Variants in COL23A1 observed in about 807,000 individuals in gnomAD.
The protein encoded by COL23A1 is collagen type XXIII alpha 1 chain, also known as collagen alpha-1(XXIII) chain.
COL23A1 carries 97 observed loss-of-function variants against 99.3 expected under a neutral mutation model. The ratio of observed to expected loss-of-function variants is 0.98; its 90% confidence interval spans 0.83 to 1.16. The LOEUF is 1.16. Among genes scored for constraint, COL23A1 ranks in the 50% most tolerant of loss-of-function variants. COL23A1 has a pLI of 0.00. For missense variants in COL23A1, 762 were observed against 757.4 expected (o/e 1.01, Z -0.07); for synonymous variants, 320 against 308.2 (o/e 1.04, Z -0.40).
intron 3 of COL23A1, among the ~76,000 whole-genome samples, chr5:178,302,431 C>T (rs1176250157): frequency 1.8e-5 from 2 of 112,384 alleles, no homozygotes; most frequent in African/African-American, 3.5e-5. Flanking sequence ...CGCCGGAGCA[C>T]GGCTTCAATC....
intron 2 of COL23A1, among the ~76,000 whole-genome samples, chr5:178,323,528 G>A (rs544093661): frequency 6.6e-5 from 10 of 152,202 alleles, no homozygotes; most frequent in African/African-American, 2.2e-4. Context: ...TGGGCTAACC[G>A]CAGAGGGTCC....
At chr5:178,305,832 A>C (rs879744084) in intron 3 of COL23A1, among the ~76,000 whole-genome samples, 3 of 152,018 alleles carry the variant, frequency 2.0e-5, no homozygotes, top group Non-Finnish European at 4.4e-5. Context: ...ATGGAGAAGG[A>C]GGCTCATGGG....
At chr5:178,367,138 C>G (rs1482327221) in intron 2 of COL23A1, among the ~76,000 whole-genome samples, 1 of 152,190 alleles carries the variant, frequency 6.6e-6, no homozygotes, top group South Asian at 2.1e-4. Context: ...TTAGCCAAAT[C>G]GTTATCTGAG....
chr5:178,287,005 G>A (rs867216185), intron 5 of COL23A1, among the ~76,000 whole-genome samples: 13 of 152,046 alleles, frequency 8.6e-5, no homozygotes, highest in Non-Finnish European at 1.5e-4. Context: ...CGGTCCTCCC[G>A]AGCCGGTACT....
intron 2 of COL23A1, among the ~76,000 whole-genome samples, chr5:178,391,364 C>T (rs1051111078): frequency 6.6e-6 from 1 of 152,184 alleles, no homozygotes. Context: ...GGACCTGTAA[C>T]TATAATACGT....
chr5:178,508,903 T>C (rs1456107360), intron 2 of COL23A1, among the ~76,000 whole-genome samples: 1 of 152,242 alleles, frequency 6.6e-6, no homozygotes, highest in Non-Finnish European at 1.5e-5. Flanking sequence ...TTGTTTTATA[T>C]ATAATGTCCA....
At chr5:178,456,742 G>GA (rs35655486) in intron 2 of COL23A1, among the ~76,000 whole-genome samples, 9 of 150,968 alleles carry the variant, frequency 6.0e-5, no homozygotes, top group Admixed American at 4.6e-4. Flanking sequence ...AATTGTACTA[G>GA]AAAAAAAAAT....
chr5:178,434,482 C>A lies in COL23A1; in HGVS notation c.361+126200G>T, dbSNP rs1378488665. Reference sequence around the variant, plus strand: ...GACTCTCACATGTCTGAACCTCACACCTCATCTGTAAAATGGTGAGGTTGG... The same window carrying A: ...GACTCTCACATGTCTGAACCTCACAACTCATCTGTAAAATGGTGAGGTTGG... On this transcript the variant is annotated intron_variant, in intron 2 of 28. Coordinates refer to ENST00000390654, the MANE Select transcript of COL23A1 (RefSeq NM_173465.4). This position sits in a 1 kb window ranked among gnomAD's most constrained non-coding sequence, Gnocchi z 4.3. 6.6e-6 allele frequency among the ~76,000 whole-genome samples: 1 copy of A among 152,218 alleles called. No individual in the cohort carries two copies. Among genetic ancestry groups the A allele is most frequent in the African/African-American group, 2.4e-5 (1 of 41,452 alleles).
intron 2 of COL23A1, among the ~76,000 whole-genome samples, chr5:178,324,223 G>A (rs2127633119): frequency 6.6e-6 from 1 of 152,234 alleles, no homozygotes; most frequent in African/African-American, 2.4e-5. Flanking sequence ...AGTGGGGCTG[G>A]AGAATTTGCA....
At chr5:178,435,576 C>G (rs758577210) in intron 2 of COL23A1, among the ~76,000 whole-genome samples, 5 of 152,202 alleles carry the variant, frequency 3.3e-5, no homozygotes, top group Non-Finnish European at 5.9e-5. Context: ...CTCTCTCAGA[C>G]TGAGTTACTT....
chr5:178,523,199 T>TAGAGAGAGAGAGAG (rs1269636962), intron 2 of COL23A1, among the ~76,000 whole-genome samples: 57 of 75,968 alleles, frequency 7.5e-4, no homozygotes, highest in Non-Finnish European at 1.4e-3. Context: ...TATATATATA[T>TAGAGAGAGAGAGAG]ATAGAGAGAG....
chr5:178,457,338 C>T (rs768972410), intron 2 of COL23A1, among the ~76,000 whole-genome samples: 3 of 152,102 alleles, frequency 2.0e-5, no homozygotes, highest in South Asian at 2.1e-4. Context: ...CTCAGCCTCC[C>T]GAGTAGCTGG....
At chr5:178,560,601 T>G (rs933160476) in intron 2 of COL23A1, 81 bp downstream of exon 2, 7 of 1,328,256 alleles carry the variant, frequency 5.3e-6, no homozygotes, top group Admixed American at 4.4e-5. Context: ...CAGTCCACCT[T>G]CCGGACCATG....
chr5:178,353,299 A>G (rs1167804689), intron 2 of COL23A1, among the ~76,000 whole-genome samples: 1 of 152,218 alleles, frequency 6.6e-6, no homozygotes, highest in Non-Finnish European at 1.5e-5. Context: ...GATTTGAGAA[A>G]GGCCCTTTAT....
At chr5:178,505,493 C>T (rs1051509189) in intron 2 of COL23A1, among the ~76,000 whole-genome samples, 2 of 151,988 alleles carry the variant, frequency 1.3e-5, no homozygotes, top group African/African-American at 2.4e-5. Flanking sequence ...TCAGGTGATC[C>T]GCCCACCTCA....
At chr5:178,548,771 T>G (rs950255930) in intron 2 of COL23A1, among the ~76,000 whole-genome samples, 1 of 152,206 alleles carries the variant, frequency 6.6e-6, no homozygotes, top group Non-Finnish European at 1.5e-5. Context: ...ATTTTGTCAC[T>G]TATTTTCAAA....
At chr5:178,314,896 T>C (rs751563513) in intron 2 of COL23A1, among the ~76,000 whole-genome samples, 1 of 152,158 alleles carries the variant, frequency 6.6e-6, no homozygotes, top group Non-Finnish European at 1.5e-5. Context: ...CCTGGCTCTC[T>C]CTCATTGAAG....
intron 2 of COL23A1, chr5:178,350,762 C>T (rs762763257): frequency 5.9e-5 from 9 of 152,318 alleles, no homozygotes; most frequent in Admixed American, 1.3e-4. Flanking sequence ...GTGGCCTGCC[C>T]GCTCTACTCC....
intron 5 of COL23A1, among the ~76,000 whole-genome samples, chr5:178,278,807 T>C (rs539609058): frequency 6.6e-6 from 1 of 152,266 alleles, no homozygotes; most frequent in Non-Finnish European, 1.5e-5. Flanking sequence ...CTCTGCAAAC[T>C]GAGTGTGTTG....
Sources: gnomAD v4.1 joint callset for allele counts (sites outside exome capture counted in the v4.1 genomes callset) on GRCh38, gnomAD v4.1.1 for gene constraint, Gnocchi (gnomAD v3.1) non-coding constraint, MANE v1.5 for transcripts, NCBI Gene and HGNC (gene_info 2026-07-23, HGNC 2026-07-21) for gene names.